Variants in THSD1 observed in about 807,000 individuals in gnomAD.
The protein encoded by THSD1 is thrombospondin type-1 domain-containing protein 1.
In THSD1, 34 loss-of-function variants were observed where a neutral mutation model predicts 46.3. The ratio of observed to expected loss-of-function variants is 0.74; its 90% CI spans 0.56 to 0.98. The LOEUF (loss-of-function observed/expected upper bound fraction) is 0.98, where lower values mean the gene tolerates loss of function less well. Among genes scored for constraint, THSD1 ranks in the 50% least tolerant of loss-of-function variants. THSD1 has a pLI of 0.00. For missense variants in THSD1, 1,023 were observed against 1,058.3 expected, an observed-to-expected ratio of 0.97 and a Z score of 0.46; for synonymous variants, 407 against 416.5, an observed-to-expected ratio of 0.98 and a Z score of 0.28.
chr13:52,378,724 T>C lies in THSD1; in HGVS notation c.1246A>G (p.Thr416Ala). The change falls in exon 5 of 5, where the codon ACT becomes GCT. Residue 416 changes from threonine (T) to alanine (A), a missense_variant. By Grantham distance (58) the Thr-to-Ala change is moderately conservative. Around this residue, in one of 3 missense-constraint regions of THSD1, gnomAD observed 429 missense variants for 518.3 expected, o/e 0.83. Transcript: ENST00000258613. ...QGPVKSNNIV[T>A]VTGISLCLFI... ...AAGCACAAGGATATACCAGTGACAG[T>C]CACGATGTTGTTGGACTTCACTGGA... 1 of 1,613,482 alleles carries C rather than the reference T, an allele frequency of 6.2e-7. No homozygotes were observed. The highest frequency in any genetic ancestry group is 8.5e-7 in the Non-Finnish European group (1 of 1,180,000).
chr13:52,378,448 C>G lies in THSD1; in HGVS notation c.1522G>C (p.Asp508His). 1 of 1,614,188 alleles carries G rather than the reference C, an allele frequency of 6.2e-7. No homozygotes were observed. Residue 508 changes from aspartate (D) to histidine (H), a missense_variant, in exon 5 of 5, where the codon GAT (aspartate) becomes CAT (histidine). Around this residue, in one of 3 missense-constraint regions of THSD1, gnomAD observed 578 missense variants for 497.4 expected, o/e 1.16. Coordinates refer to ENST00000258613, the MANE Select transcript of THSD1 (RefSeq NM_018676.4). Reference sequence around the variant, plus strand: ...AAGCTCTCGCTGCCAGAGGCATCATCCTCGGGAGGTACCGGCCCGCTCCGC... The same window carrying G: ...AAGCTCTCGCTGCCAGAGGCATCATGCTCGGGAGGTACCGGCCCGCTCCGC... The part of the protein sequence containing the change: ...YRRSGPVPPE[D>H]DASGSESFQS...
At chr13:52,381,867 T>G (rs1370565102) in intron 4 of THSD1, among the ~76,000 whole-genome samples, 1 of 152,180 alleles carries the variant, frequency 6.6e-6, no homozygotes, top group Non-Finnish European at 1.5e-5. Context: ...GGGGTCTGCA[T>G]TTGCTTACTG....
intron 4 of THSD1, among the ~76,000 whole-genome samples, chr13:52,379,105 AC>A (rs1261627389): frequency 2.0e-5 from 3 of 151,860 alleles, no homozygotes; most frequent in African/African-American, 4.8e-5. Flanking sequence ...CTTGTGATCC[AC>A]CCGCCTTGGC....
At chr13:52,392,463 T>C (rs762034513) in intron 3 of THSD1, among the ~76,000 whole-genome samples, 94 of 152,340 alleles carry the variant, frequency 6.2e-4, no homozygotes, top group Non-Finnish European at 1.1e-3. Context: ...CTGTAGTTCA[T>C]ATGTTAGAAA....
rs1566957874 is a variant in THSD1 at position 52,377,758 on chromosome 13, G to C, written c.2212C>G (p.Pro738Ala). The change falls in exon 5 of 5, where the codon CCA (proline) becomes GCA (alanine). Residue 738 changes from proline (P) to alanine (A), a missense_variant. Pro to Ala is a conservative substitution (Grantham distance 27). Around this residue, in one of 3 missense-constraint regions of THSD1, gnomAD observed 578 missense variants for 497.4 expected, o/e 1.16. Transcript: ENST00000258613. The part of the protein sequence containing the change: ...SYTLGQPLRK[P>A]DLGDHQAGLV... ...CCTGCCTGGTGATCCCCAAGGTCTG[G>C]TTTCCTCAAGGGCTGCCCCAAAGTG... The C allele has an allele frequency of 4.3e-6, 7 of 1,614,036 alleles. No homozygotes were observed. The highest frequency in any genetic ancestry group is 5.9e-6 in the Non-Finnish European group (7 of 1,180,016).
chr13:52,399,302 A>G (rs994695054), intron 2 of THSD1, among the ~76,000 whole-genome samples: 1 of 152,268 alleles, frequency 6.6e-6, no homozygotes, highest in African/African-American at 2.4e-5. Flanking sequence ...ATCCAAATAT[A>G]TATCAAAGGA....
At position 52,397,802 on chromosome 13, in the gene THSD1, T is replaced by C. The variant is rs1957823390; in HGVS notation, c.451A>G (p.Thr151Ala). 1.2e-6 allele frequency: 2 copies of C among 1,614,230 alleles called. No individual in the cohort carries two copies. Among genetic ancestry groups the C allele is most frequent in the African/African-American group, 1.3e-5 (1 of 75,062 alleles). The part of the protein sequence containing the change: ...AEGTFQVGLF[T>A]SQPLCPFPVD... Reference sequence around the variant, plus strand: ...GGAAACGGGCACAGTGGTTGACTGGTAAATAGGCCCACTTGGAAGGTGCCT... The same window carrying C: ...GGAAACGGGCACAGTGGTTGACTGGCAAATAGGCCCACTTGGAAGGTGCCT... The change falls in exon 3 of 5, where the codon ACC becomes GCC. Residue 151 changes from threonine (T) to alanine (A), a missense_variant. Physicochemically the swap from Thr to Ala is moderately conservative, Grantham distance 58. Coordinates refer to ENST00000258613, the MANE Select transcript of THSD1 (RefSeq NM_018676.4).
At chr13:52,381,279 A>G (rs191035518) in intron 4 of THSD1, among the ~76,000 whole-genome samples, 3 of 152,260 alleles carry the variant, frequency 2.0e-5, no homozygotes, top group East Asian at 3.9e-4. Context: ...CTGCAGCAGA[A>G]GTCTGACCCT....
intron 3 of THSD1, among the ~76,000 whole-genome samples, chr13:52,390,065 G>C (rs1437424168): frequency 2.0e-5 from 3 of 151,846 alleles, no homozygotes; most frequent in Non-Finnish European, 4.4e-5. Flanking sequence ...ACCTGAGCCA[G>C]GGGAAGTCGA....
In THSD1 at chr13:52,397,439, C is replaced by T. The variant is rs1030879607; in HGVS notation, c.814G>A (p.Val272Ile). The change falls in exon 3 of 5, where the codon GTC becomes ATC. Residue 272 changes from valine to isoleucine, a missense_variant. By Grantham distance (29) the Val-to-Ile change is conservative (BLOSUM62 3). Transcript: ENST00000258613. ...CTGGGGGCCTCCTTGAAGACAGTGA[C>T]CACTCCTTGGACGAAGGTGCATGGT... Reference protein sequence around the residue: ...PPPCTFVQGVVTVFKEAPRYP... With the variant: ...PPPCTFVQGVITVFKEAPRYP... 2 of 1,613,994 alleles carry T rather than the reference C, an allele frequency of 1.2e-6. No individual in the cohort carries two copies. Among genetic ancestry groups the T allele is most frequent in the African/African-American group, 1.3e-5 (1 of 74,898 alleles).
In THSD1 at chr13:52,378,311, G is replaced by A. The variant is rs763912274; in HGVS notation, c.1659C>T (p.His553=). ...TGTCTGTCAGGGGACTCTGAGACAC[G>A]TGATACACTTTGGTAGTTTCCGTCA... The part of the protein sequence containing the change: ...KGLTETTKVY[H]VSQSPLTDTA... Residue 553 remains histidine (H), a synonymous_variant, in exon 5 of 5, where the codon CAC becomes CAT. Coordinates refer to ENST00000258613, the MANE Select transcript of THSD1 (RefSeq NM_018676.4). The A allele has an allele frequency of 7.4e-6, 12 of 1,614,096 alleles. No individual in the cohort carries two copies. The South Asian group carries it at 7.7e-5, about 10-fold the overall frequency.
rs367812241 is a variant in THSD1 at position 52,386,163 on chromosome 13, A to G, written c.1045T>C (p.Trp349Arg). Residue 349 changes from tryptophan (W) to arginine (R), a missense_variant, in exon 4 of 5, where the codon TGG (tryptophan) becomes CGG (arginine). Coordinates refer to ENST00000258613, the MANE Select transcript of THSD1 (RefSeq NM_018676.4). ...NTETWGLWQP[W>R]SQCSATCGDG... ...CCACATGTGGCACTACACTGGCTCC[A>G]TGGCTGCCACAGTCCCCAAGTTTCT... is the stretch of plus-strand genomic sequence containing the variant. 1.1e-5 allele frequency: 18 copies of G among 1,614,010 alleles called. No individual in the cohort carries two copies. Among genetic ancestry groups the G allele is most frequent in the Non-Finnish European group, 1.7e-6 (2 of 1,180,018 alleles).
intron 3 of THSD1, among the ~76,000 whole-genome samples, chr13:52,391,098 G>A (rs1957769683): frequency 6.6e-6 from 1 of 152,148 alleles, no homozygotes; most frequent in Non-Finnish European, 1.5e-5. Context: ...TGCATTAGAA[G>A]TTTTCATCCA....
At chr13:52,382,202 T>A (rs1196090962) in intron 4 of THSD1, among the ~76,000 whole-genome samples, 1 of 152,158 alleles carries the variant, frequency 6.6e-6, no homozygotes, top group Non-Finnish European at 1.5e-5. Flanking sequence ...CCCCTACAAC[T>A]TGTGCTTCCT....
At chr13:52,403,030 AT>A (rs1270400541) in intron 1 of THSD1, 14 of 808,304 alleles carry the variant, frequency 1.7e-5, no homozygotes, top group Non-Finnish European at 2.1e-5. Context: ...TTTTCACATT[AT>A]TTATCTGCTT....
chr13:52,401,546 AC>A (rs1957862075), intron 2 of THSD1, among the ~76,000 whole-genome samples: 1 of 147,452 alleles, frequency 6.8e-6, no homozygotes, highest in Non-Finnish European at 1.5e-5. Flanking sequence ...TGATCCGCCC[AC>A]CCCGGCCTCC....
At chr13:52,383,372 T>C (rs564113402) in intron 4 of THSD1, among the ~76,000 whole-genome samples, 6 of 152,342 alleles carry the variant, frequency 3.9e-5, no homozygotes, top group Admixed American at 1.3e-4. Flanking sequence ...AGATAGACCA[T>C]ATAATGTAGA....
intron 4 of THSD1, chr13:52,384,100 G>A (rs765758471): frequency 1.8e-5 from 6 of 333,566 alleles, no homozygotes; most frequent in South Asian, 5.0e-5. Context: ...CAGGAGAATC[G>A]CTTGAACCCG....
Position 52,377,213 on chromosome 13 carries a change from T to A in THSD1, c.*198A>T, listed in dbSNP as rs569105285. On this transcript the variant is annotated 3_prime_UTR_variant, in exon 5 of 5. Transcript: ENST00000258613. ...ATCATTGTTATTACTAATAAATCAA[T>A]AGAAATTGAATAACAAAGGAAAAAG... is the stretch of plus-strand genomic sequence containing the variant. The A allele has an allele frequency of 7.6e-6, 10 of 1,314,324 alleles. No individual in the cohort carries two copies. The African/African-American group carries it at 1.5e-4, about 19-fold the overall frequency. The allele number at this position is 1,314,324 out of a possible 1,614,324, so 81.4% of individuals were successfully genotyped here.
Sources: gnomAD v4.1 joint callset for allele counts (sites outside exome capture counted in the v4.1 genomes callset) on GRCh38, gnomAD v4.1.1 for gene constraint, gnomAD v4.1.1 regional missense constraint, MANE v1.5 for transcripts, NCBI Gene and HGNC (gene_info 2026-07-23, HGNC 2026-07-21) for gene names.